Variants in SULF1 observed in about 807,000 individuals in gnomAD.
SULF1 encodes sulfatase 1.
Under a neutral mutation model 110.5 loss-of-function variants are expected in SULF1, and 46 were observed. That is an observed-to-expected ratio of 0.42 (90% CI 0.33 to 0.53). The LOEUF (loss-of-function observed/expected upper bound fraction) is 0.53. Ranked by LOEUF, SULF1 falls within the 20% of genes least tolerant of loss-of-function variation. The pLI, the probability that SULF1 is intolerant of heterozygous loss-of-function variation, is 0.12. For missense variants in SULF1, 941 were observed against 1,094.2 expected (o/e 0.86, Z 1.98); for synonymous variants, 371 against 387.1 (o/e 0.96, Z 0.49).
chr8:69,499,965 T>A (rs188421241), intron 2 of SULF1, among the ~76,000 whole-genome samples: 16 of 152,222 alleles, frequency 1.1e-4, no homozygotes, highest in Admixed American at 9.8e-4. Flanking sequence ...TTGCCCAGGC[T>A]GGTCTTGAAC....
intron 5 of SULF1, among the ~76,000 whole-genome samples, chr8:69,565,415 A>C (rs1029253286): frequency 1.3e-5 from 2 of 152,184 alleles, no homozygotes; most frequent in Non-Finnish European, 2.9e-5. Flanking sequence ...ATTTCAAGTT[A>C]GTTTAGTGCC....
chr8:69,627,085 G>C, intron 15 of SULF1, 125 bp from the exon 16 acceptor site: 3 of 701,392 alleles, frequency 4.3e-6, no homozygotes, highest in Non-Finnish European at 7.4e-6. Flanking sequence ...TCTTGGATCA[G>C]CTCAACGGTT....
chr8:69,511,646 C>T (rs573979981), intron 3 of SULF1, among the ~76,000 whole-genome samples: 5 of 152,172 alleles, frequency 3.3e-5, no homozygotes, highest in Admixed American at 2.0e-4. Context: ...ATGCACAGCC[C>T]CTCCATTCTC....
rs192211772 is a variant in SULF1 at position 69,493,854 on chromosome 8, A to G, written c.-391+729A>G. 4.7e-4 allele frequency among the ~76,000 whole-genome samples: 71 copies of G among 152,360 alleles called. 1 individual carries two copies. Among genetic ancestry groups the G allele is most frequent in the Admixed American group, 2.7e-3 (41 of 15,304 alleles). Reference sequence around the variant, plus strand: ...GTGTCTTAAAGAGTGCTGAATTAACAGAGTACTCTTCTCAGAGATTATGCT... The same window carrying G: ...GTGTCTTAAAGAGTGCTGAATTAACGGAGTACTCTTCTCAGAGATTATGCT... On this transcript the variant is annotated intron_variant, in intron 1 of 22. Transcript: ENST00000402687.
At chr8:69,559,306 AT>A in intron 3 of SULF1, among the ~76,000 whole-genome samples, 1 of 152,198 alleles carries the variant, frequency 6.6e-6, no homozygotes, top group Non-Finnish European at 1.5e-5. Flanking sequence ...CTTCAAATGC[AT>A]TTTTTATTCA....
At chr8:69,630,472 G>A (rs1810430650) in intron 19 of SULF1, among the ~76,000 whole-genome samples, 1 of 152,158 alleles carries the variant, frequency 6.6e-6, no homozygotes. Flanking sequence ...GACCATTCTT[G>A]GGGGGATCTA....
At chr8:69,504,286 A>G (rs1390059541) in intron 3 of SULF1, among the ~76,000 whole-genome samples, 8 of 151,792 alleles carry the variant, frequency 5.3e-5, no homozygotes, top group Non-Finnish European at 1.2e-4. Context: ...CTATAGTCCC[A>G]GCACTTTGGG....
chr8:69,551,266 T>C (rs565211129), intron 3 of SULF1, among the ~76,000 whole-genome samples: 1 of 152,312 alleles, frequency 6.6e-6, no homozygotes, highest in South Asian at 2.1e-4. Flanking sequence ...TCTTTAAGCT[T>C]AGCAGTTGTT....
intron 14 of SULF1, 72 bp from the exon 15 acceptor site, chr8:69,623,870 C>T (rs1809797493): frequency 6.5e-7 from 1 of 1,536,256 alleles, no homozygotes; most frequent in Non-Finnish European, 8.8e-7. Flanking sequence ...CCCTTCTGGA[C>T]CAGGTGATCA....
At chr8:69,516,656 T>C (rs1419783127) in intron 3 of SULF1, among the ~76,000 whole-genome samples, 1 of 152,236 alleles carries the variant, frequency 6.6e-6, no homozygotes, top group Admixed American at 6.5e-5. Context: ...TATGTTTTCT[T>C]ATTCAAGCTG....
chr8:69,603,119 G>A, intron 10 of SULF1, 73 bp from the exon 11 acceptor site: 3 of 1,598,264 alleles, frequency 1.9e-6, no homozygotes, highest in African/African-American at 1.3e-5. Flanking sequence ...AGTCACTGCT[G>A]TAGAAAAAGC....
intron 3 of SULF1, among the ~76,000 whole-genome samples, chr8:69,521,418 G>T (rs1362042129): frequency 6.6e-6 from 1 of 152,044 alleles, no homozygotes; most frequent in Non-Finnish European, 1.5e-5. Flanking sequence ...GATCAGGGTG[G>T]GTTGCAGTGT....
intron 13 of SULF1, among the ~76,000 whole-genome samples, chr8:69,607,820 T>A (rs560975623): frequency 6.6e-6 from 1 of 152,316 alleles, no homozygotes; most frequent in African/African-American, 2.4e-5. Context: ...AGGTTCGAGG[T>A]GGCAGCGGAG....
intron 6 of SULF1, 32 bp from the exon 7 acceptor site, chr8:69,586,325 G>T (rs201112571): frequency 9.9e-5 from 151 of 1,523,656 alleles, no homozygotes; most frequent in Admixed American, 1.4e-4. Context: ...ATCATTTTAC[G>T]TGAAAAAAAT....
In SULF1 at chr8:69,659,763, A is replaced by G. The variant is rs1435421570; in HGVS notation, c.*1228A>G. The G allele has an allele frequency of 6.5e-6, 1 of 152,982 alleles. No homozygotes were observed. Among genetic ancestry groups the G allele is most frequent in the Non-Finnish European group, 1.5e-5 (1 of 68,338 alleles). 9.5% of individuals were successfully genotyped at this position (152,982 alleles called of 1,614,324 possible). ...TCATTTTTAACCACTGGAATTTTTC[A>G]ATGCCGTCATTTTCAGTTAGATGAT... On this transcript the variant is annotated 3_prime_UTR_variant, in exon 23 of 23. Transcript: ENST00000402687.
chr8:69,507,042 G>A (rs1472226975), intron 3 of SULF1, among the ~76,000 whole-genome samples: 1 of 152,196 alleles, frequency 6.6e-6, no homozygotes, highest in Non-Finnish European at 1.5e-5. Context: ...AGGTCAAGAA[G>A]TGCAGAATCA....
At chr8:69,524,865 A>C (rs1563496097) in intron 3 of SULF1, among the ~76,000 whole-genome samples, 1 of 152,202 alleles carries the variant, frequency 6.6e-6, no homozygotes, top group Non-Finnish European at 1.5e-5. Context: ...ACTGCAGAAA[A>C]AGGAATCCAA....
At position 69,564,026 on chromosome 8, in the gene SULF1, G is replaced by C; in HGVS notation, c.51G>C (p.Leu17Phe). Residue 17 changes from leucine to phenylalanine, a missense_variant, in exon 5 of 23, where the codon TTG becomes TTC. Physicochemically the swap from Leu to Phe is conservative, Grantham distance 22. Around this residue, in one of 3 missense-constraint regions of SULF1, gnomAD observed 822 missense variants for 934.3 expected, o/e 0.88. Transcript: ENST00000402687. ...ALVLAVLGTE[L>F]LGSLCSTVRS... is the part of the protein sequence containing the mutation. ...TTTTGGCTGTCCTGGGCACAGAATT[G>C]CTGGGAAGCCTCTGTTCGACTGTCA... 1 of 1,614,176 alleles carries C rather than the reference G, an allele frequency of 6.2e-7. No homozygotes were observed. Among genetic ancestry groups the C allele is most frequent in the Non-Finnish European group, 8.5e-7 (1 of 1,180,040 alleles).
At chr8:69,555,964 A>G (rs1383165774) in intron 3 of SULF1, among the ~76,000 whole-genome samples, 1 of 152,216 alleles carries the variant, frequency 6.6e-6, no homozygotes, top group Non-Finnish European at 1.5e-5. Context: ...AGGAAAACAG[A>G]CTAAAACGAA....
Sources: allele counts gnomAD v4.1 joint callset (sites outside exome capture counted in the v4.1 genomes callset), GRCh38; gene constraint gnomAD v4.1.1; regional missense constraint gnomAD v4.1.1; transcripts MANE v1.5; gene names NCBI Gene and HGNC (gene_info 2026-07-23, HGNC 2026-07-21).